The following SLC39A10 variants were observed in gnomAD, a reference collection of about 807,000 sequenced individuals.
The protein encoded by SLC39A10 is zinc transporter ZIP10.
In SLC39A10, 13 loss-of-function variants were observed where a neutral mutation model predicts 65.1. The observed-to-expected ratio is 0.20, with a 90% CI of 0.13 to 0.32. The LOEUF is 0.32. Ranked by LOEUF, SLC39A10 falls within the 10% of genes least tolerant of loss-of-function variation. SLC39A10 has a pLI of 1.00. For missense variants in SLC39A10, 831 were observed against 1,018.4 expected, an observed-to-expected ratio of 0.82 and a Z score of 2.50; for synonymous variants, 321 against 342.2, an observed-to-expected ratio of 0.94 and a Z score of 0.68.
At position 195,696,660 on chromosome 2, in the gene SLC39A10, T is replaced by C. The variant is rs138965046; in HGVS notation, c.1217-9956T>C. On this transcript the variant is annotated intron_variant, in intron 3 of 9. Transcript: ENST00000359634. ...AAAATTTGTGTATAACTTTTCGCTC[T>C]CCCAAAATACAACTACTAGTAGCCT... Among the ~76,000 whole-genome samples, 410 of 152,184 alleles carry C rather than the reference T, an allele frequency of 2.7e-3. 2 individuals are homozygous for C. Among genetic ancestry groups the C allele is most frequent in the African/African-American group, 9.5e-3 (396 of 41,518 alleles).
chr2:195,681,196 A>G (rs1690298198), intron 2 of SLC39A10, 146 bp downstream of exon 2: 2 of 871,358 alleles, frequency 2.3e-6, no homozygotes, highest in Non-Finnish European at 1.7e-6. Context: ...GGTAATGTTC[A>G]TGAACAGAAT....
At chr2:195,705,630 T>A (rs1691372930) in intron 3 of SLC39A10, among the ~76,000 whole-genome samples, 1 of 152,228 alleles carries the variant, frequency 6.6e-6, no homozygotes, top group Non-Finnish European at 1.5e-5. Context: ...TCAGCAGATT[T>A]ATAGTCCTCT....
intron 3 of SLC39A10, among the ~76,000 whole-genome samples, chr2:195,692,513 G>A (rs1219937803): frequency 2.0e-5 from 3 of 152,006 alleles, no homozygotes; most frequent in Non-Finnish European, 2.9e-5. Flanking sequence ...TGTCATCTAT[G>A]ATGTCTTTCA....
At chr2:195,651,563 C>G (rs1689031615) in intron 2 of SLC39A10, among the ~76,000 whole-genome samples, 1 of 152,148 alleles carries the variant, frequency 6.6e-6, no homozygotes, top group Non-Finnish European at 1.5e-5. Flanking sequence ...CAACCTCCAT[C>G]TCCCAGGATC....
intron 4 of SLC39A10, 126 bp from the exon 5 acceptor site, chr2:195,708,530 G>C (rs1691489730): frequency 1.2e-5 from 8 of 677,780 alleles, no homozygotes; most frequent in Non-Finnish European, 1.8e-5. Context: ...AATATCTAGG[G>C]GAGCACTTTA....
At chr2:195,631,286 C>T (rs996641609) in intron 2 of SLC39A10, among the ~76,000 whole-genome samples, 1 of 151,564 alleles carries the variant, frequency 6.6e-6, no homozygotes, top group African/African-American at 2.4e-5. Flanking sequence ...AATATATATA[C>T]AGCTAATTTT....
rs1231127710 is a variant in SLC39A10, at chr2:195,708,674, C to T, written c.1405C>T (p.His469Tyr). 3.1e-6 allele frequency: 5 copies of T among 1,601,766 alleles called. No individual in the cohort carries two copies. The highest frequency in any genetic ancestry group is 4.3e-6 in the Non-Finnish European group (5 of 1,175,136). The change falls in exon 5 of 10, where the codon CAC becomes TAC. Residue 469 changes from histidine to tyrosine, a missense_variant. By Grantham distance (83) the His-to-Tyr change is moderately conservative (BLOSUM62 2). Around this residue, in one of 4 missense-constraint regions of SLC39A10, gnomAD observed 230 missense variants for 242.9 expected, o/e 0.95. Coordinates refer to ENST00000359634, the MANE Select transcript of SLC39A10 (RefSeq NM_020342.3). ...LLPHSQGGHDHSHQHAHGHGH... is the reference protein window; with the variant it reads ...LLPHSQGGHDYSHQHAHGHGH... The stretch of plus-strand genomic sequence containing the variant: ...TTAATAGTCTCAGGGTGGACATGAT[C>T]ACAGTCACCAACATGCACATGGGCA...
chr2:195,732,181 A>T (rs1029891254), intron 9 of SLC39A10, among the ~76,000 whole-genome samples: 9 of 152,178 alleles, frequency 5.9e-5, no homozygotes, highest in African/African-American at 1.9e-4. Context: ...TTATCTTGTA[A>T]ACTTTGGAGA....
At chr2:195,697,980 G>C (rs558946946) in intron 3 of SLC39A10, among the ~76,000 whole-genome samples, 1 of 152,006 alleles carries the variant, frequency 6.6e-6, no homozygotes, top group East Asian at 1.9e-4. Flanking sequence ...GCTATTGTAA[G>C]TGGAATTGTT....
At chr2:195,690,179 A>G (rs1215446294) in intron 3 of SLC39A10, among the ~76,000 whole-genome samples, 1 of 138,960 alleles carries the variant, frequency 7.2e-6, no homozygotes, top group Non-Finnish European at 1.5e-5. Context: ...CTCTGAAAAA[A>G]AAAAAAAAAA....
In SLC39A10 at chr2:195,681,040, A is replaced by G. The variant is rs1294900100; in HGVS notation, c.998A>G (p.His333Arg). The G allele has an allele frequency of 3.7e-6, 6 of 1,606,148 alleles. No homozygotes were observed. The highest frequency in any genetic ancestry group is 5.1e-6 in the Non-Finnish European group (6 of 1,175,238). The change falls in exon 2 of 10, where the codon CAT (histidine) becomes CGT (arginine). Residue 333 changes from histidine (H) to arginine (R), a missense_variant. Transcript: ENST00000359634. ...SLRKDLNEDD[H>R]HHECLNVTQL... ...AGAAAAGATCTAAATGAAGATGACC[A>G]TCATCATGAAGTAAGTATAAAAAGA...
intron 1 of SLC39A10, chr2:195,671,828 A>G (rs1689870283): frequency 1.3e-5 from 2 of 152,206 alleles, no homozygotes; most frequent in African/African-American, 4.8e-5. Context: ...TTCCCTTGAT[A>G]CTGAAGAAGA....
chr2:195,641,403 T>C (rs113417315), intron 2 of SLC39A10, among the ~76,000 whole-genome samples: 2 of 152,180 alleles, frequency 1.3e-5, no homozygotes, highest in Non-Finnish European at 2.9e-5. Flanking sequence ...AACAGTGTAA[T>C]GTGAACCACA....
intron 2 of SLC39A10, among the ~76,000 whole-genome samples, chr2:195,628,077 T>C (rs2105694049): frequency 6.6e-6 from 1 of 152,374 alleles, no homozygotes; most frequent in East Asian, 1.9e-4. Flanking sequence ...TTTAATGTTA[T>C]AATTAAAGCA....
At chr2:195,655,421 A>G (rs755157306), upstream of SLC39A10, among the ~76,000 whole-genome samples, 20 of 152,384 alleles carry the variant, frequency 1.3e-4, no homozygotes, top group Non-Finnish European at 8.8e-5. Context: ...GATATTTGAA[A>G]GAAAGGTTAT....
chr2:195,617,116 G>T (rs987587204), intron 2 of SLC39A10, among the ~76,000 whole-genome samples: 1 of 152,046 alleles, frequency 6.6e-6, no homozygotes, highest in South Asian at 2.1e-4. Context: ...TGAATTCTTC[G>T]ATAGTGCATT....
At chr2:195,617,619 C>G (rs72929761) in intron 2 of SLC39A10, among the ~76,000 whole-genome samples, 6 of 152,042 alleles carry the variant, frequency 3.9e-5, no homozygotes, top group African/African-American at 1.4e-4. Flanking sequence ...GCCTGTAAGT[C>G]GAGCACTTTG....
At chr2:195,614,523 T>A (rs1031604666) in intron 2 of SLC39A10, among the ~76,000 whole-genome samples, 8 of 152,198 alleles carry the variant, frequency 5.3e-5, no homozygotes, top group African/African-American at 1.9e-4. Flanking sequence ...CTTACCCACT[T>A]TGAGCAGTGT....
chr2:195,679,947 G>T, intron 1 of SLC39A10, 85 bp from the exon 2 acceptor site: 2 of 1,185,026 alleles, frequency 1.7e-6, no homozygotes, highest in African/African-American at 1.6e-5. Flanking sequence ...TTTTTTTAGT[G>T]GATTGGCAAC....
Sources: gnomAD v4.1 joint callset for allele counts (sites outside exome capture counted in the v4.1 genomes callset) on GRCh38, gnomAD v4.1.1 for gene constraint, gnomAD v4.1.1 regional missense constraint, MANE v1.5 for transcripts, NCBI Gene and HGNC (gene_info 2026-07-23, HGNC 2026-07-21) for gene names.